AMN1: variants seen among roughly 807,000 people sequenced by gnomAD.
AMN1 encodes the protein antagonist of mitotic exit network 1 homolog.
In AMN1, 20 loss-of-function variants were observed where a neutral mutation model predicts 33.0. The observed-to-expected ratio is 0.61, with a 90% CI of 0.43 to 0.88. AMN1 has a LOEUF of 0.88. Ranked by LOEUF, AMN1 falls within the 40% of genes least tolerant of loss-of-function variation. The probability of loss-of-function intolerance (pLI) is 0.00; values close to 1 mark genes in which losing one functional copy is unlikely to be tolerated. For missense variants in AMN1, 246 were observed against 307.4 expected (o/e 0.80, Z 1.49); for synonymous variants, 114 against 111.9 (o/e 1.02, Z -0.12).
intron 3 of AMN1, among the ~76,000 whole-genome samples, chr12:31,698,224 T>A (rs1218686364): frequency 6.6e-6 from 1 of 152,198 alleles, no homozygotes; most frequent in East Asian, 1.9e-4. Flanking sequence ...TTTTAGGAAA[T>A]AGGCAAAAGT....
intron 1 of AMN1, among the ~76,000 whole-genome samples, chr12:31,715,959 T>C (rs1213726578): frequency 6.6e-6 from 1 of 152,250 alleles, no homozygotes; most frequent in African/African-American, 2.4e-5. Flanking sequence ...ACATGACAGG[T>C]TTCCTTTTTG....
rs1027734588 is a variant in AMN1, at chr12:31,683,494, C to G, written c.703+5513G>C. ...CAAATCTCATCTTGAATTGTAGCTC[C>G]CACAATTCCCATGTGTCGTGAGAGG... On this transcript the variant is annotated intron_variant, in intron 6 of 6. Coordinates refer to ENST00000281471, the MANE Select transcript of AMN1 (RefSeq NM_001113402.2). The surrounding 1 kb of genome is among the most constrained non-coding windows in gnomAD (Gnocchi z 4.1). Among the ~76,000 whole-genome samples, 11 of 152,130 alleles carry G rather than the reference C, an allele frequency of 7.2e-5. No homozygotes were observed. The highest frequency in any genetic ancestry group is 1.3e-4 in the Admixed American group (2 of 15,274).
At chr12:31,713,402 C>A (rs1205080258) in intron 1 of AMN1, among the ~76,000 whole-genome samples, 1 of 152,052 alleles carries the variant, frequency 6.6e-6, no homozygotes, top group Non-Finnish European at 1.5e-5. Context: ...CTTTTCATTT[C>A]TGCAAGTTTT....
chr12:31,693,440 C>T (rs950871900), intron 5 of AMN1, among the ~76,000 whole-genome samples: 5 of 150,630 alleles, frequency 3.3e-5, no homozygotes, highest in South Asian at 2.1e-4. Flanking sequence ...TGGTCAGGCT[C>T]GTCTCTGAAC....
rs1172231377 is a variant in AMN1, at chr12:31,697,967, A to G, written c.317-10T>C. The G allele has an allele frequency of 1.9e-6, 3 of 1,612,452 alleles. No homozygotes were observed. In the African/African-American group the frequency reaches 4.0e-5, roughly 22 times the overall value. On this transcript the variant is annotated splice_polypyrimidine_tract_variant and intron_variant, in intron 3 of 6. Coordinates refer to ENST00000281471, the MANE Select transcript of AMN1 (RefSeq NM_001113402.2). Reference sequence around the variant, plus strand: ...GCCACAGCTTTTATTCCTGGGGGAAAATATAATTATATATCAATGAGCTAT... The same window carrying G: ...GCCACAGCTTTTATTCCTGGGGGAAGATATAATTATATATCAATGAGCTAT...
intron 6 of AMN1, among the ~76,000 whole-genome samples, chr12:31,676,945 G>A (rs1244009394): frequency 6.6e-6 from 1 of 151,660 alleles, no homozygotes; most frequent in Non-Finnish European, 1.5e-5. Flanking sequence ...TATGCTACAG[G>A]GAAAAACTAT....
chr12:31,722,999 A>T (rs970706374), intron 1 of AMN1, among the ~76,000 whole-genome samples: 1 of 152,120 alleles, frequency 6.6e-6, no homozygotes, highest in Non-Finnish European at 1.5e-5. Flanking sequence ...TCTACTAAAA[A>T]TACAAAAAAT....
intron 2 of AMN1, among the ~76,000 whole-genome samples, chr12:31,707,188 A>G (rs191679316): frequency 6.6e-6 from 1 of 152,356 alleles, no homozygotes; most frequent in African/African-American, 2.4e-5. Context: ...AAGACTAAAT[A>G]GAATAAAATT....
intron 3 of AMN1, among the ~76,000 whole-genome samples, chr12:31,699,497 T>C (rs998189855): frequency 1.3e-5 from 2 of 151,734 alleles, no homozygotes; most frequent in Non-Finnish European, 2.9e-5. Flanking sequence ...GATGAGCTTC[T>C]GGGTTGGTGA....
Position 31,701,890 on chromosome 12 carries a change from CT to C in AMN1, c.288del (p.Asn98ThrfsTer5). On this transcript the variant is annotated frameshift_variant, in exon 3 of 7. Coordinates refer to ENST00000281471, the MANE Select transcript of AMN1 (RefSeq NM_001113402.2). LOFTEE classifies it high-confidence loss of function. ...KLKKLNLNASKGNRVSVTSEG... is the reference protein window; with the variant it reads ...KLKKLNLNASXGNRVSVTSEG... ...TCTGAAGTTACAGAAACTCGGTTCC[CT>C]TTTGAAGCATTTAAATTTAATTTCT... The C allele has an allele frequency of 6.2e-7, 1 of 1,606,166 alleles. No homozygotes were observed. The highest frequency in any genetic ancestry group is 1.7e-5 in the Admixed American group (1 of 57,786).
At chr12:31,718,454 T>C (rs1209981929) in intron 1 of AMN1, among the ~76,000 whole-genome samples, 1 of 152,122 alleles carries the variant, frequency 6.6e-6, no homozygotes, top group African/African-American at 2.4e-5. Flanking sequence ...TTTGTTCCCT[T>C]GCTGGCAAGG....
intron 1 of AMN1, among the ~76,000 whole-genome samples, chr12:31,711,932 C>G (rs1939483518): frequency 6.6e-6 from 1 of 152,034 alleles, no homozygotes; most frequent in Admixed American, 6.6e-5. Context: ...TTTTTTAGTT[C>G]CCACATATGA....
At chr12:31,726,175 T>TGG (rs60494611) in intron 1 of AMN1, among the ~76,000 whole-genome samples, 2 of 150,280 alleles carry the variant, frequency 1.3e-5, no homozygotes, top group East Asian at 3.9e-4. Flanking sequence ...TTTTTTTTTT[T>TGG]GGGGGGACGG....
intron 5 of AMN1, 108 bp from the exon 6 acceptor site, chr12:31,689,226 G>T: frequency 2.7e-6 from 2 of 749,012 alleles, no homozygotes; most frequent in Non-Finnish European, 4.3e-6. Context: ...ATATCTACTT[G>T]CAAAAAAAAA....
At chr12:31,715,003 T>A in intron 1 of AMN1, 21 of 654,912 alleles carry the variant, frequency 3.2e-5, no homozygotes, top group Non-Finnish European at 4.0e-5. Context: ...ATATTCCGTA[T>A]CAAACAGTTC....
chr12:31,681,160 TA>T (rs1006118109), intron 6 of AMN1, among the ~76,000 whole-genome samples: 106 of 152,336 alleles, frequency 7.0e-4, no homozygotes, highest in African/African-American at 2.4e-3. Context: ...ATGAACTATT[TA>T]AAAAATTTAT....
intron 1 of AMN1, among the ~76,000 whole-genome samples, chr12:31,710,434 T>G (rs2139710616): frequency 6.6e-6 from 1 of 152,306 alleles, no homozygotes; most frequent in East Asian, 1.9e-4. Flanking sequence ...AGTGCAATGT[T>G]AATTTTTTCT....
intron 1 of AMN1, chr12:31,715,059 C>G (rs1330759191): frequency 7.1e-6 from 2 of 282,458 alleles, no homozygotes; most frequent in Non-Finnish European, 1.1e-5. Context: ...TTTCACAAAG[C>G]CAGTACAGTA....
chr12:31,711,288 G>T (rs1443047439), intron 1 of AMN1, among the ~76,000 whole-genome samples: 1 of 151,482 alleles, frequency 6.6e-6, no homozygotes, highest in Non-Finnish European at 1.5e-5. Context: ...CATGTTTAAT[G>T]TGTATCCTTT....
Sources: allele counts gnomAD v4.1 joint callset (sites outside exome capture counted in the v4.1 genomes callset), GRCh38; gene constraint gnomAD v4.1.1; non-coding constraint Gnocchi (gnomAD v3.1); transcripts MANE v1.5; gene names NCBI Gene and HGNC (gene_info 2026-07-23, HGNC 2026-07-21).